Variants in ADAM12 observed in about 807,000 individuals in gnomAD.
ADAM12 encodes ADAM metallopeptidase domain 12.
A neutral mutation model predicts 106.4 loss-of-function variants in ADAM12; 70 were observed. That is an observed-to-expected ratio of 0.66 (90% confidence interval 0.54 to 0.80). The LOEUF is 0.80. Among genes scored for constraint, ADAM12 ranks in the 30% least tolerant of loss-of-function variants. The pLI is 0.00. For synonymous variants in ADAM12, 420 were observed against 433.5 expected (o/e 0.97, Z 0.39); for missense variants, 1,010 against 1,171.9 (o/e 0.86, Z 2.02).
chr10:126,384,333 CAA>C (rs1255406471), intron 1 of ADAM12, among the ~76,000 whole-genome samples: 1 of 151,892 alleles, frequency 6.6e-6, no homozygotes, highest in African/African-American at 2.4e-5. Context: ...CACAAGTTAT[CAA>C]AAAAAGTTGT....
intron 1 of ADAM12, among the ~76,000 whole-genome samples, chr10:126,342,342 A>G (rs1055615013): frequency 6.6e-6 from 1 of 152,262 alleles, no homozygotes; most frequent in Admixed American, 6.5e-5. Flanking sequence ...CAAATGGGCA[A>G]TCATAATTTA....
At chr10:126,287,467 G>C (rs1442303560) in intron 2 of ADAM12, among the ~76,000 whole-genome samples, 1 of 152,152 alleles carries the variant, frequency 6.6e-6, no homozygotes, top group African/African-American at 2.4e-5. Flanking sequence ...GGGGAGGTTG[G>C]AGAAAATCCA....
chr10:126,125,228 C>T (rs1956184111), intron 5 of ADAM12, among the ~76,000 whole-genome samples: 2 of 145,450 alleles, frequency 1.4e-5, no homozygotes, highest in African/African-American at 5.0e-5. Flanking sequence ...GTATTACTTC[C>T]TTTTTTTTTT....
At chr10:126,229,421 T>C (rs1164195482) in intron 3 of ADAM12, among the ~76,000 whole-genome samples, 1 of 151,816 alleles carries the variant, frequency 6.6e-6, no homozygotes, top group Non-Finnish European at 1.5e-5. Context: ...TCATTCATTT[T>C]AATGGCTGCA....
chr10:126,320,486 G>C (rs1275457487), intron 2 of ADAM12, among the ~76,000 whole-genome samples: 1 of 152,120 alleles, frequency 6.6e-6, no homozygotes, highest in African/African-American at 2.4e-5. Context: ...AAAAAAATCT[G>C]AACTTTACAT....
At chr10:126,145,684 T>C (rs1345208507) in intron 4 of ADAM12, 1 of 152,262 alleles carries the variant, frequency 6.6e-6, no homozygotes, top group Non-Finnish European at 1.5e-5. Flanking sequence ...TATTCTCATC[T>C]GGGTATAAAG....
intron 14 of ADAM12, among the ~76,000 whole-genome samples, chr10:126,051,384 T>C (rs1488977572): frequency 6.6e-6 from 1 of 152,112 alleles, no homozygotes; most frequent in Admixed American, 6.5e-5. Flanking sequence ...TCCTACTTCC[T>C]TCCATCATCC....
chr10:126,157,608 T>G (rs1676728), intron 3 of ADAM12, among the ~76,000 whole-genome samples: 82,581 of 152,112 alleles, frequency 0.54, 23,272 homozygotes, highest in East Asian at 0.75. Context: ...TTTGAGAGAG[T>G]GTGCGGAAAA....
intron 3 of ADAM12, among the ~76,000 whole-genome samples, chr10:126,180,383 C>T (rs1220072518): frequency 6.6e-6 from 1 of 152,058 alleles, no homozygotes; most frequent in African/African-American, 2.4e-5. Context: ...CCCCAGCAAC[C>T]GACCTCAGGA....
chr10:126,317,574 C>A (rs540209289), intron 2 of ADAM12, among the ~76,000 whole-genome samples: 1 of 151,926 alleles, frequency 6.6e-6, no homozygotes, highest in African/African-American at 2.4e-5. Flanking sequence ...AATACCAGAG[C>A]TAGGTCAAAT....
chr10:126,145,412 G>GT (rs1956607394), intron 4 of ADAM12: 2 of 152,614 alleles, frequency 1.3e-5, no homozygotes, highest in South Asian at 4.1e-4. Context: ...AAACACCATA[G>GT]CCAGAAACGT....
Position 126,341,127 on chromosome 10 carries a change from C to G in ADAM12, c.89-10618G>C, listed in dbSNP as rs1854914041. Among the ~76,000 whole-genome samples, 4 of 152,144 alleles carry G rather than the reference C, an allele frequency of 2.6e-5. 1 individual carries two copies. In the South Asian group the frequency reaches 8.3e-4, roughly 32 times the overall value. Reference sequence around the variant, plus strand: ...GCTCAAATGTTACCCCTCAGAGAGTCTTCCCTATTTAAATACTTTTCCTCC... The same window carrying G: ...GCTCAAATGTTACCCCTCAGAGAGTGTTCCCTATTTAAATACTTTTCCTCC... On this transcript the variant is annotated intron_variant, in intron 1 of 22. Coordinates refer to ENST00000448723, the MANE Select transcript of ADAM12 (RefSeq NM_001288973.2).
chr10:126,251,883 GC>G (rs1349013387), intron 3 of ADAM12, among the ~76,000 whole-genome samples: 18 of 56,660 alleles, frequency 3.2e-4, no homozygotes, highest in African/African-American at 1.7e-3. Flanking sequence ...TGGGATGGAT[GC>G]AATGGATGGA....
intron 17 of ADAM12, among the ~76,000 whole-genome samples, chr10:126,045,341 G>A (rs1320787502): frequency 6.6e-6 from 1 of 152,170 alleles, no homozygotes; most frequent in Non-Finnish European, 1.5e-5. Flanking sequence ...TATGGTTCCA[G>A]CATGATGGTA....
intron 3 of ADAM12, among the ~76,000 whole-genome samples, chr10:126,225,239 GTA>G (rs1958170137): frequency 6.6e-6 from 1 of 152,230 alleles, no homozygotes; most frequent in African/African-American, 2.4e-5. Flanking sequence ...AAAGCACCAT[GTA>G]TATGTTTTCT....
chr10:126,363,949 T>C (rs541094518), intron 1 of ADAM12, among the ~76,000 whole-genome samples: 50 of 152,272 alleles, frequency 3.3e-4, no homozygotes, highest in African/African-American at 1.2e-3. Flanking sequence ...AAAAATATGA[T>C]ACACCTTGAC....
chr10:126,039,180 C>T (rs1954114576), intron 19 of ADAM12, 114 bp downstream of exon 19: 1 of 1,300,528 alleles, frequency 7.7e-7, no homozygotes, highest in Admixed American at 2.0e-5. Context: ...ATCTCCTGAC[C>T]TCGTGATCCG....
At chr10:126,338,571 A>C (rs113408872) in intron 1 of ADAM12, among the ~76,000 whole-genome samples, 2,448 of 152,214 alleles carry the variant, frequency 0.016, 64 homozygotes, top group African/African-American at 0.056. Context: ...CATTTTTATA[A>C]CCGTTACTGG....
intron 9 of ADAM12, among the ~76,000 whole-genome samples, chr10:126,098,885 A>G (rs1442603880): frequency 6.6e-6 from 1 of 152,248 alleles, no homozygotes; most frequent in Non-Finnish European, 1.5e-5. Flanking sequence ...ATGGTTTACT[A>G]GATTTTCACC....
Sources: gnomAD v4.1 joint callset for allele counts (sites outside exome capture counted in the v4.1 genomes callset) on GRCh38, gnomAD v4.1.1 for gene constraint, MANE v1.5 for transcripts, NCBI Gene and HGNC (gene_info 2026-07-23, HGNC 2026-07-21) for gene names.